The following ILDR2 variants were observed in gnomAD, a reference collection of about 807,000 sequenced individuals.
ILDR2 encodes the protein immunoglobulin-like domain-containing receptor 2.
In ILDR2, 25 loss-of-function variants were observed where a neutral mutation model predicts 66.8. That is an observed-to-expected ratio of 0.37 (90% CI 0.27 to 0.52). The LOEUF (loss-of-function observed/expected upper bound fraction) is 0.52. Ranked by LOEUF, ILDR2 falls within the 20% of genes least tolerant of loss-of-function variation. The pLI, the probability that ILDR2 is intolerant of heterozygous loss-of-function variation, is 0.88. For missense variants in ILDR2, 827 were observed against 876.8 expected, an observed-to-expected ratio of 0.94 and a Z score of 0.72; for synonymous variants, 367 against 357.2, an observed-to-expected ratio of 1.03 and a Z score of -0.31.
In ILDR2 at chr1:166,927,176, G is replaced by T; in HGVS notation, c.885C>A (p.Arg295=). 1 of 1,609,318 alleles carries T rather than the reference G, an allele frequency of 6.2e-7. No individual in the cohort carries two copies. Among genetic ancestry groups the T allele is most frequent in the South Asian group, 1.1e-5 (1 of 90,500 alleles). The change falls in exon 7 of 10, where the codon CGC becomes CGA. Residue 295 remains arginine (R), a synonymous_variant. Coordinates refer to ENST00000271417, the MANE Select transcript of ILDR2 (RefSeq NM_199351.3). ...TGTCAGCCTGGATCCGGTAACCTTT[G>T]CGAACTGTTGAGAAAAGCACAAGAA... ...SDSTGGSHSV[R]KGYRIQADKE... is the part of the protein sequence containing the mutation.
intron 7 of ILDR2, among the ~76,000 whole-genome samples, chr1:166,926,724 A>G (rs1287457829): frequency 6.6e-6 from 1 of 151,842 alleles, no homozygotes; most frequent in Non-Finnish European, 1.5e-5. Context: ...AATATATTCA[A>G]AGAAAGTTGG....
Position 166,919,377 on chromosome 1 carries a change from G to A in ILDR2, c.1898C>T (p.Thr633Ile), listed in dbSNP as rs779021006. Residue 633 changes from threonine (T) to isoleucine (I), a missense_variant, in exon 10 of 10, where the codon ACC (threonine) becomes ATC (isoleucine). Coordinates refer to ENST00000271417, the MANE Select transcript of ILDR2 (RefSeq NM_199351.3). ...EPAKKTNDFP[T>I]RMSLVV ...ACATCAGACCACAAGGGACATCCTG[G>A]TTGGAAAGTCATTCTAGGAAAGAGC... The A allele has an allele frequency of 8.1e-6, 13 of 1,609,178 alleles. No homozygotes were observed. In the South Asian group the frequency reaches 1.4e-4, roughly 18 times the overall value.
Position 166,898,126 on chromosome 1 carries a change from C to T in ILDR2, n.172-2025G>A, listed in dbSNP as rs914279188. 2.5e-4 allele frequency among the ~76,000 whole-genome samples: 38 copies of T among 152,114 alleles called. 1 individual carries two copies. The highest frequency in any genetic ancestry group is 8.9e-4 in the African/African-American group (37 of 41,422). On this transcript the variant is annotated intron_variant and non_coding_transcript_variant, in intron 2 of 2. Coordinates refer to the ILDR2 transcript ENST00000414590. ...TCTAGATTAAACAGTGTAAGACACC[C>T]ATAGGAAATGAAGTCTAGTTGGGGC...
In ILDR2 at chr1:166,909,916, A is replaced by T. The variant is rs1659439579; in HGVS notation, c.*9439T>A. 6.6e-6 allele frequency: 1 copy of T among 150,978 alleles called. No homozygotes were observed. The highest frequency in any genetic ancestry group is 1.5e-5 in the Non-Finnish European group (1 of 67,820). The allele number at this position is 150,978 out of a possible 1,614,324, so 9.4% of individuals were successfully genotyped here. On this transcript the variant is annotated 3_prime_UTR_variant, in exon 10 of 10. Coordinates refer to ENST00000271417, the MANE Select transcript of ILDR2 (RefSeq NM_199351.3). ...CAAAATTTGTAACAAAATGTGAGAA[A>T]ATATCTCCAGAGAGCAAGGATTGTT...
At chr1:166,958,147 C>T in intron 1 of ILDR2, 46 bp from the exon 2 acceptor site, 1 of 1,491,674 alleles carries the variant, frequency 6.7e-7, no homozygotes, top group Non-Finnish European at 9.2e-7. Flanking sequence ...ATATCCTGGA[C>T]CTCACCTTCC....
chr1:166,933,043 C>T (rs1053273804), intron 6 of ILDR2, among the ~76,000 whole-genome samples: 3 of 152,222 alleles, frequency 2.0e-5, no homozygotes, highest in African/African-American at 7.2e-5. Context: ...TCTGTCCTGG[C>T]TCCACCAGCC....
chr1:166,935,759 C>A (rs1660936377), intron 5 of ILDR2, among the ~76,000 whole-genome samples: 1 of 152,128 alleles, frequency 6.6e-6, no homozygotes, highest in Non-Finnish European at 1.5e-5. Flanking sequence ...AGCAGCATCC[C>A]CAGTGACAGC....
At chr1:166,964,318 C>T (rs1040221444) in intron 1 of ILDR2, among the ~76,000 whole-genome samples, 4 of 152,034 alleles carry the variant, frequency 2.6e-5, no homozygotes, top group African/African-American at 4.8e-5. Flanking sequence ...AATTTTAATT[C>T]GACCAAAAAT....
chr1:166,936,875 G>A lies in ILDR2; in HGVS notation c.557-138C>T. ...AAAGCTTCTCTTAACAGGAGACAGA[G>A]CCCCAACACTCAAGAGGAACTCTGA... On this transcript the variant is annotated intron_variant, in intron 4 of 9. Transcript: ENST00000271417. The surrounding 1 kb of genome is among the most constrained non-coding windows in gnomAD (Gnocchi z 5.0). 2 of 772,356 alleles carry A rather than the reference G, an allele frequency of 2.6e-6. No individual in the cohort carries two copies. Among genetic ancestry groups the A allele is most frequent in the South Asian group, 1.8e-5 (1 of 56,122 alleles). The allele number at this position is 772,356 out of a possible 1,614,324, so 47.8% of individuals were successfully genotyped here.
At chr1:166,956,710 T>C in intron 3 of ILDR2, 23 bp downstream of exon 3, 2 of 1,611,976 alleles carry the variant, frequency 1.2e-6, no homozygotes, top group Non-Finnish European at 1.7e-6. Flanking sequence ...AAGATGAAAA[T>C]GTCACCTGTT....
chr1:166,971,892 T>G (rs984465862), intron 1 of ILDR2, among the ~76,000 whole-genome samples: 2 of 152,082 alleles, frequency 1.3e-5, no homozygotes, highest in African/African-American at 4.8e-5. Context: ...GCTTGTAGAA[T>G]AGACAAACAA....
chr1:166,948,861 G>GAGTGGT (rs1263590475), intron 3 of ILDR2, among the ~76,000 whole-genome samples: 1 of 152,196 alleles, frequency 6.6e-6, no homozygotes, highest in Non-Finnish European at 1.5e-5. Flanking sequence ...AGGGGTGGGA[G>GAGTGGT]AAGGAAGCTA....
rs1659500518 is a variant in ILDR2 at position 166,912,884 on chromosome 1, C to A, written c.*6471G>T. 1 of 152,116 alleles carries A rather than the reference C, an allele frequency of 6.6e-6. No individual in the cohort carries two copies. Among genetic ancestry groups the A allele is most frequent in the African/African-American group, 2.4e-5 (1 of 41,408 alleles). The allele number at this position is 152,116 out of a possible 1,614,324, so 9.4% of individuals were successfully genotyped here. A position where few individuals can be genotyped will look rare whatever the true frequency, so the allele number is the denominator to read the frequency against. On this transcript the variant is annotated 3_prime_UTR_variant, in exon 10 of 10. Coordinates refer to ENST00000271417, the MANE Select transcript of ILDR2 (RefSeq NM_199351.3). The stretch of plus-strand genomic sequence containing the variant: ...ATTTCTAGCAGGCATATGCTTGTGC[C>A]CCTCTTGGAAATGAGCTAGGTACCA...
chr1:166,908,164 T>A (rs1040848963), downstream of ILDR2: 5 of 152,234 alleles, frequency 3.3e-5, no homozygotes, highest in African/African-American at 1.2e-4. Flanking sequence ...CAGGCTGCTG[T>A]AACAAAAATA....
chr1:166,898,604 G>A lies in ILDR2; in HGVS notation n.172-2503C>T, dbSNP rs145727949. 1.9e-3 allele frequency among the ~76,000 whole-genome samples: 283 copies of A among 152,236 alleles called. 2 individuals carry two copies. Among genetic ancestry groups the A allele is most frequent in the Admixed American group, 4.4e-3 (68 of 15,300 alleles). On this transcript the variant is annotated intron_variant and non_coding_transcript_variant, in intron 2 of 2. Coordinates refer to the ILDR2 transcript ENST00000414590. ...TCTGACAATCTTTCCACCTCTTCTG[G>A]ATAAGGAGGGCACACTCTGAAGCTT...
intron 6 of ILDR2, among the ~76,000 whole-genome samples, 185 bp from the exon 7 acceptor site, chr1:166,927,365 C>T (rs375645960): frequency 1.4e-4 from 21 of 152,280 alleles, no homozygotes; most frequent in African/African-American, 4.1e-4. Flanking sequence ...TATCAGATGG[C>T]GCCACTGGAA....
Position 166,972,179 on chromosome 1 carries a change from T to C in ILDR2, c.46+3044A>G, listed in dbSNP as rs184368519. The stretch of plus-strand genomic sequence containing the variant: ...GTGAGCCGAGATGGTGCCAATGCAC[T>C]CTGGCCTGGGTGACAGAGTGAGACT... On this transcript the variant is annotated intron_variant, in intron 1 of 9. Transcript: ENST00000271417. Among the ~76,000 whole-genome samples, 23 of 151,710 alleles carry C rather than the reference T, an allele frequency of 1.5e-4. No individual in the cohort carries two copies. The East Asian group carries it at 4.5e-3, about 29-fold the overall frequency.
Position 166,919,128 on chromosome 1 carries a change from C to T in ILDR2, c.*227G>A. 1.8e-6 allele frequency: 1 copy of T among 543,544 alleles called. No homozygotes were observed. Among genetic ancestry groups the T allele is most frequent in the South Asian group, 2.7e-5 (1 of 37,548 alleles). The allele number at this position is 543,544 out of a possible 1,614,324, so 33.7% of individuals were successfully genotyped here. A position where few individuals can be genotyped will look rare whatever the true frequency, so the allele number is the denominator to read the frequency against. ...GAAACTCTGTATGTAGGAATGTTCT[C>T]ACACATTCTTGCTTTCTTGGTAAGC... On this transcript the variant is annotated 3_prime_UTR_variant, in exon 10 of 10. Transcript: ENST00000271417.
At chr1:166,943,448 C>T (rs1661431422) in intron 3 of ILDR2, among the ~76,000 whole-genome samples, 1 of 135,068 alleles carries the variant, frequency 7.4e-6, no homozygotes, top group African/African-American at 2.8e-5. Flanking sequence ...GCCGAGATTG[C>T]ACCACTGCAC....
Sources: allele counts gnomAD v4.1 joint callset (sites outside exome capture counted in the v4.1 genomes callset), GRCh38; gene constraint gnomAD v4.1.1; non-coding constraint Gnocchi (gnomAD v3.1); transcripts MANE v1.5; gene names NCBI Gene and HGNC (gene_info 2026-07-23, HGNC 2026-07-21).